The following PTPRO variants were observed in gnomAD, a reference collection of about 807,000 sequenced individuals.
The protein encoded by PTPRO is protein tyrosine phosphatase receptor type O.
Under a neutral mutation model 145.2 loss-of-function variants are expected in PTPRO, and 62 were observed. That is an observed-to-expected ratio of 0.43 (90% CI 0.35 to 0.53). PTPRO has a LOEUF of 0.53. Among genes scored for constraint, PTPRO ranks in the 20% least tolerant of loss-of-function variants. The pLI is 0.01. For synonymous variants in PTPRO, 565 were observed against 514.7 expected, an observed-to-expected ratio of 1.10 and a Z score of -1.32; for missense variants, 1,345 against 1,482.7, an observed-to-expected ratio of 0.91 and a Z score of 1.53.
intron 1 of PTPRO, among the ~76,000 whole-genome samples, chr12:15,404,335 C>T (rs1939590057): frequency 6.6e-6 from 1 of 151,892 alleles, no homozygotes; most frequent in Non-Finnish European, 1.5e-5. Flanking sequence ...AGGAAAATGG[C>T]ATGTTATTAT....
At chr12:15,373,390 A>G (rs1369470401) in intron 1 of PTPRO, among the ~76,000 whole-genome samples, 2 of 152,202 alleles carry the variant, frequency 1.3e-5, no homozygotes, top group Non-Finnish European at 2.9e-5. Flanking sequence ...ATGGAGTTTC[A>G]TACTGAAAGA....
intron 1 of PTPRO, among the ~76,000 whole-genome samples, chr12:15,392,135 G>A (rs1223567379): frequency 6.6e-6 from 1 of 152,108 alleles, no homozygotes; most frequent in Non-Finnish European, 1.5e-5. Context: ...TAGTCTCCTA[G>A]ACTGAGAAAA....
Position 15,589,399 on chromosome 12 carries a change from G to A in PTPRO, c.3411-56G>A, listed in dbSNP as rs563679849. 7.1e-5 allele frequency: 115 copies of A among 1,610,976 alleles called. 1 individual carries two copies. In the South Asian group the frequency reaches 1.2e-3, roughly 17 times the overall value. ...TCAAAGAAAAAAAAAAAAAGAGGGG[G>A]GAGAAAAAAAAGAAGCACCATCTGA... On this transcript the variant is annotated intron_variant, in intron 24 of 26. Transcript: ENST00000281171.
intron 21 of PTPRO, 30 bp from the exon 22 acceptor site, chr12:15,580,667 T>G (rs1591764325): frequency 6.2e-7 from 1 of 1,613,750 alleles, no homozygotes; most frequent in Non-Finnish European, 8.5e-7. Context: ...AGTGTCTGGT[T>G]AGGTGATAAT....
intron 1 of PTPRO, among the ~76,000 whole-genome samples, chr12:15,393,420 C>A (rs1340263308): frequency 6.6e-6 from 1 of 152,150 alleles, no homozygotes; most frequent in Non-Finnish European, 1.5e-5. Context: ...TTGAATAGCA[C>A]ATTCATAATG....
At chr12:15,354,540 C>T (rs755483711) in intron 1 of PTPRO, among the ~76,000 whole-genome samples, 1 of 152,104 alleles carries the variant, frequency 6.6e-6, no homozygotes, top group Admixed American at 6.6e-5. Flanking sequence ...TTTTCAAAGA[C>T]CTCTTTTCCA....
At chr12:15,559,190 G>C (rs1943713295) in intron 16 of PTPRO, among the ~76,000 whole-genome samples, 1 of 152,088 alleles carries the variant, frequency 6.6e-6, no homozygotes, top group Admixed American at 6.5e-5. Context: ...GGAATTTATG[G>C]GAGACCAGTC....
chr12:15,407,230 G>A (rs1276774105), intron 1 of PTPRO, among the ~76,000 whole-genome samples: 2 of 152,116 alleles, frequency 1.3e-5, no homozygotes, highest in Non-Finnish European at 2.9e-5. Context: ...TGTTAACTCA[G>A]CATTATTTAG....
intron 1 of PTPRO, among the ~76,000 whole-genome samples, chr12:15,379,221 C>G (rs1027798980): frequency 3.3e-5 from 5 of 151,816 alleles, no homozygotes; most frequent in Non-Finnish European, 7.4e-5. Context: ...CGGGACCAAT[C>G]AAAGATGAAT....
chr12:15,376,143 G>A (rs1156689720), intron 1 of PTPRO, among the ~76,000 whole-genome samples: 1 of 151,906 alleles, frequency 6.6e-6, no homozygotes, highest in Non-Finnish European at 1.5e-5. Context: ...ATAAGATAAA[G>A]TCAAGGAGAC....
At chr12:15,376,420 T>C (rs1163269777) in intron 1 of PTPRO, among the ~76,000 whole-genome samples, 1 of 152,208 alleles carries the variant, frequency 6.6e-6, no homozygotes, top group East Asian at 1.9e-4. Context: ...AGAGAATTTG[T>C]TACTAGCAAA....
chr12:15,374,637 A>T (rs752798196), intron 1 of PTPRO, among the ~76,000 whole-genome samples: 20 of 152,166 alleles, frequency 1.3e-4, no homozygotes, highest in Non-Finnish European at 2.8e-4. Context: ...TTCACAGGGC[A>T]TTGTCACTAT....
At chr12:15,442,766 C>A (rs748475675) in intron 1 of PTPRO, among the ~76,000 whole-genome samples, 1 of 151,442 alleles carries the variant, frequency 6.6e-6, no homozygotes, top group South Asian at 2.1e-4. Context: ...CAAAAAAATA[C>A]CTGGAAGTAC....
intron 1 of PTPRO, among the ~76,000 whole-genome samples, chr12:15,481,871 T>C (rs1941785415): frequency 2.0e-5 from 3 of 152,170 alleles, no homozygotes; most frequent in Non-Finnish European, 4.4e-5. Context: ...GCTGAAAATA[T>C]GTGAGAAACA....
At chr12:15,508,038 C>T (rs1942358822) in intron 6 of PTPRO, among the ~76,000 whole-genome samples, 1 of 152,100 alleles carries the variant, frequency 6.6e-6, no homozygotes, top group African/African-American at 2.4e-5. Context: ...AAATTATCAC[C>T]CAGGTTTTAG....
At chr12:15,360,883 T>TATATACACACGTGTATATACAC (rs1565585664) in intron 1 of PTPRO, among the ~76,000 whole-genome samples, 1 of 135,452 alleles carries the variant, frequency 7.4e-6, no homozygotes, top group African/African-American at 2.7e-5. Context: ...TATACACACA[T>TATATACACACGTGTATATACAC]ACACATGTGT....
intron 7 of PTPRO, among the ~76,000 whole-genome samples, chr12:15,513,171 A>G (rs1942493825): frequency 1.3e-5 from 1 of 76,094 alleles, no homozygotes; most frequent in Non-Finnish European, 2.8e-5. Context: ...GAAAGAAAGA[A>G]AGAAAGAAAG....
chr12:15,578,943 T>C lies in PTPRO; in HGVS notation c.2920T>C (p.Tyr974His). The stretch of plus-strand genomic sequence containing the variant: ...AAACCGTTACACAAACATCCTACCA[T>C]GTAAGATCGTCAATTGTGCCAATAA... ...CKNRYTNILP[Y>H]DFSRVRLVSM... Residue 974 changes from tyrosine to histidine, a missense_variant and splice_region_variant, in exon 20 of 27, where the codon TAT (tyrosine) becomes CAT (histidine). Coordinates refer to ENST00000281171, the MANE Select transcript of PTPRO (RefSeq NM_030667.3). The C allele has an allele frequency of 2.5e-6, 4 of 1,573,126 alleles. No individual in the cohort carries two copies. Among genetic ancestry groups the C allele is most frequent in the Non-Finnish European group, 3.5e-6 (4 of 1,142,832 alleles).
intron 1 of PTPRO, among the ~76,000 whole-genome samples, chr12:15,408,782 A>T (rs1939715057): frequency 6.6e-6 from 1 of 152,170 alleles, no homozygotes; most frequent in African/African-American, 2.4e-5. Context: ...TGAGGTGTGG[A>T]AATATGTCTT....
Sources: gnomAD v4.1 joint callset for allele counts (sites outside exome capture counted in the v4.1 genomes callset) on GRCh38, gnomAD v4.1.1 for gene constraint, MANE v1.5 for transcripts, NCBI Gene and HGNC (gene_info 2026-07-23, HGNC 2026-07-21) for gene names.